CADM2: variants seen among roughly 807,000 people sequenced by gnomAD.
The protein encoded by CADM2 is immunoglobulin superfamily member 4D.
Under a neutral mutation model 49.8 loss-of-function variants are expected in CADM2, and 12 were observed. The ratio of observed to expected loss-of-function variants is 0.24; its 90% CI spans 0.15 to 0.39. The LOEUF is 0.39. Among genes scored for constraint, CADM2 ranks in the 10% least tolerant of loss-of-function variants. The pLI is 1.00. For synonymous variants in CADM2, 214 were observed against 175.4 expected (o/e 1.22, Z -1.74); for missense variants, 378 against 492.3 (o/e 0.77, Z 2.20).
intron 2 of CADM2, among the ~76,000 whole-genome samples, chr3:85,761,881 A>C (rs2069402878): frequency 1.3e-5 from 2 of 152,156 alleles, no homozygotes; most frequent in Non-Finnish European, 2.9e-5. Context: ...ACAATTTATG[A>C]AGGCAGCTCA....
At chr3:85,345,326 A>AAG (rs2030497567) in intron 1 of CADM2, among the ~76,000 whole-genome samples, 1 of 150,368 alleles carries the variant, frequency 6.7e-6, no homozygotes, top group Non-Finnish European at 1.5e-5. Context: ...AAAAAAAAAA[A>AAG]AAAAAAAAGA....
intron 1 of CADM2, among the ~76,000 whole-genome samples, chr3:85,191,427 CTAATAT>C (rs1437099181): frequency 1.3e-5 from 2 of 151,942 alleles, no homozygotes; most frequent in African/African-American, 4.8e-5. Flanking sequence ...AAAGGTTTTA[CTAATAT>C]TAATATTTAG....
At position 85,946,713 on chromosome 3, in the gene CADM2, C is replaced by T. The variant is rs905902103; in HGVS notation, c.791+10856C>T. Among the ~76,000 whole-genome samples, 26 of 151,986 alleles carry T rather than the reference C, an allele frequency of 1.7e-4. 1 individual carries two copies. The East Asian group carries it at 4.9e-3, about 28-fold the overall frequency. On this transcript the variant is annotated intron_variant, in intron 7 of 9. Coordinates refer to ENST00000383699, the MANE Select transcript of CADM2 (RefSeq NM_001167675.2). ...AATGGGGAAAGGATTCCCTATTTAA[C>T]AAATAGTGCTGGGAAAACTGGCTAG...
At chr3:85,502,139 A>C (rs920766780) in intron 1 of CADM2, among the ~76,000 whole-genome samples, 7 of 152,162 alleles carry the variant, frequency 4.6e-5, no homozygotes, top group Admixed American at 4.6e-4. Flanking sequence ...GGAGTAAGTA[A>C]TTGAGTAGAT....
chr3:85,477,948 T>A (rs959646824), intron 1 of CADM2, among the ~76,000 whole-genome samples: 3 of 151,974 alleles, frequency 2.0e-5, no homozygotes, highest in African/African-American at 7.2e-5. Context: ...TGTTGGAAAC[T>A]CACTATTAGC....
chr3:85,121,720 A>T (rs1056036822), intron 1 of CADM2, among the ~76,000 whole-genome samples: 1 of 152,138 alleles, frequency 6.6e-6, no homozygotes, highest in Non-Finnish European at 1.5e-5. Flanking sequence ...TTCATTCATC[A>T]GTAATATTAC....
intron 8 of CADM2, among the ~76,000 whole-genome samples, chr3:86,002,886 T>A (rs1730354700): frequency 6.6e-6 from 1 of 152,206 alleles, no homozygotes; most frequent in Non-Finnish European, 1.5e-5. Flanking sequence ...TGTGATGGAA[T>A]TTATCACTTT....
chr3:85,817,908 T>C (rs116786522), intron 3 of CADM2, among the ~76,000 whole-genome samples: 2 of 152,000 alleles, frequency 1.3e-5, no homozygotes, highest in Admixed American at 6.6e-5. Context: ...GAAACTCTTA[T>C]CAGAATGTGT....
intron 1 of CADM2, among the ~76,000 whole-genome samples, chr3:85,587,186 T>C (rs1021687970): frequency 3.3e-5 from 5 of 152,050 alleles, no homozygotes; most frequent in African/African-American, 1.2e-4. Context: ...AGGAACTGAA[T>C]GGGTCAGTAG....
intron 1 of CADM2, among the ~76,000 whole-genome samples, chr3:85,409,361 A>G (rs1022720333): frequency 1.3e-5 from 2 of 152,160 alleles, no homozygotes; most frequent in African/African-American, 4.8e-5. Flanking sequence ...TGAGAAAATA[A>G]AATGGGAATT....
At chr3:85,749,505 T>G (rs1419871534) in intron 2 of CADM2, among the ~76,000 whole-genome samples, 1 of 151,928 alleles carries the variant, frequency 6.6e-6, no homozygotes, top group East Asian at 1.9e-4. Flanking sequence ...ATTGCCAATC[T>G]AAAAAGAAAA....
chr3:86,004,105 G>T (rs1427073424), intron 8 of CADM2, among the ~76,000 whole-genome samples: 3 of 151,918 alleles, frequency 2.0e-5, no homozygotes, highest in Non-Finnish European at 4.4e-5. Flanking sequence ...GGAAGATAGT[G>T]GTTGCTGCAT....
intron 1 of CADM2, among the ~76,000 whole-genome samples, chr3:85,513,466 G>A (rs1310885263): frequency 6.6e-6 from 1 of 151,628 alleles, no homozygotes; most frequent in Non-Finnish European, 1.5e-5. Flanking sequence ...CATCTCTGGG[G>A]TCCTTTGTAG....
chr3:85,044,536 G>A (rs1403814608), intron 1 of CADM2, among the ~76,000 whole-genome samples: 1 of 152,148 alleles, frequency 6.6e-6, no homozygotes, highest in Non-Finnish European at 1.5e-5. Flanking sequence ...TTGTAAAATT[G>A]CTTCCTCTCA....
chr3:85,584,065 C>T (rs2062867934), intron 1 of CADM2, among the ~76,000 whole-genome samples: 1 of 151,890 alleles, frequency 6.6e-6, no homozygotes, highest in Non-Finnish European at 1.5e-5. Flanking sequence ...TAAAATTATG[C>T]AAAAATTTTA....
intron 2 of CADM2, among the ~76,000 whole-genome samples, chr3:85,737,823 G>T (rs1026033442): frequency 2.6e-5 from 4 of 152,160 alleles, no homozygotes; most frequent in Non-Finnish European, 5.9e-5. Flanking sequence ...CTCCCAAACT[G>T]CTGGGGTTAC....
At chr3:85,880,403 ATTCT>A (rs1321085237) in intron 3 of CADM2, among the ~76,000 whole-genome samples, 4 of 152,020 alleles carry the variant, frequency 2.6e-5, no homozygotes, top group Non-Finnish European at 4.4e-5. Flanking sequence ...TTATTTTTTC[ATTCT>A]TTCTTCTTGA....
intron 3 of CADM2, among the ~76,000 whole-genome samples, chr3:85,807,807 G>T (rs992660936): frequency 6.6e-6 from 1 of 151,984 alleles, no homozygotes; most frequent in African/African-American, 2.4e-5. Flanking sequence ...TCCAGTTCCA[G>T]CCTTGGCTAG....
At chr3:85,530,908 ACACAC>A (rs1559890313) in intron 1 of CADM2, among the ~76,000 whole-genome samples, 307 of 134,282 alleles carry the variant, frequency 2.3e-3, no homozygotes, top group African/African-American at 9.9e-3. Flanking sequence ...ACACACACAC[ACACAC>A]AAAATTCATT....
Sources: allele counts gnomAD v4.1 joint callset (sites outside exome capture counted in the v4.1 genomes callset), GRCh38; gene constraint gnomAD v4.1.1; transcripts MANE v1.5; gene names NCBI Gene and HGNC (gene_info 2026-07-23, HGNC 2026-07-21).